STAG1: variants seen among roughly 807,000 people sequenced by gnomAD.
STAG1 encodes cohesin subunit SA-1.
Under a neutral mutation model 170.9 loss-of-function variants are expected in STAG1, and 26 were observed. The ratio of observed to expected loss-of-function variants is 0.15; its 90% confidence interval spans 0.11 to 0.21. STAG1 has a LOEUF of 0.21. STAG1 is among the 10% of genes least tolerant of loss of function. The pLI, the probability that STAG1 is intolerant of heterozygous loss-of-function variation, is 1.00. For synonymous variants in STAG1, 514 were observed against 497.7 expected, an observed-to-expected ratio of 1.03 and a Z score of -0.44; for missense variants, 964 against 1,509.5, an observed-to-expected ratio of 0.64 and a Z score of 5.99.
chr3:136,350,475 G>A (rs894467091), intron 28 of STAG1, among the ~76,000 whole-genome samples: 13 of 152,236 alleles, frequency 8.5e-5, no homozygotes, highest in African/African-American at 2.9e-4. Flanking sequence ...ACTACCCTGG[G>A]CACAGCAGGC....
Position 136,439,389 on chromosome 3 carries a change from G to GACACACACACACACACACAC in STAG1, c.1546+3878_1546+3897dup, listed in dbSNP as rs753912835. Among the ~76,000 whole-genome samples the GACACACACACACACACACAC allele has an allele frequency of 2.0e-4, 19 of 95,834 alleles. 1 individual carries two copies. The highest frequency in any genetic ancestry group is 4.3e-4 in the Admixed American group (4 of 9,314). 62.9% of individuals were successfully genotyped at this position (95,834 alleles called of 152,430 possible). A position where few individuals can be genotyped will look rare whatever the true frequency, so the allele number is the denominator to read the frequency against. ...TTGATTTTGCTGTAAAACACCCCCC[G>GACACACACACACACACACAC]ACACACACACACACACACACACACA... On this transcript the variant is annotated intron_variant, in intron 15 of 33. Transcript: ENST00000383202.
chr3:136,364,590 A>AC (rs1012524084), intron 25 of STAG1, among the ~76,000 whole-genome samples: 5 of 151,966 alleles, frequency 3.3e-5, no homozygotes, highest in Non-Finnish European at 7.4e-5. Context: ...CATCCCTGTA[A>AC]CCCCCCCATC....
intron 9 of STAG1, chr3:136,499,636 T>C (rs1933358902): frequency 6.6e-6 from 1 of 152,478 alleles, no homozygotes; most frequent in African/African-American, 2.4e-5. Flanking sequence ...GTAGTTAGTG[T>C]TTTTAAGGTT....
intron 1 of STAG1, among the ~76,000 whole-genome samples, chr3:136,734,253 T>C (rs1025053497): frequency 6.6e-6 from 1 of 152,100 alleles, no homozygotes; most frequent in African/African-American, 2.4e-5. Flanking sequence ...TAACCTGATA[T>C]AATCATGGTC....
intron 30 of STAG1, among the ~76,000 whole-genome samples, chr3:136,341,805 G>T (rs1171841651): frequency 6.6e-6 from 1 of 152,226 alleles, no homozygotes; most frequent in African/African-American, 2.4e-5. Context: ...AGGGTTCTCA[G>T]ACCTCTGTTT....
chr3:136,606,050 C>CA (rs561732159), intron 3 of STAG1, among the ~76,000 whole-genome samples: 23 of 145,166 alleles, frequency 1.6e-4, no homozygotes, highest in African/African-American at 2.3e-4. Flanking sequence ...TTCAGATTTA[C>CA]AAAAAAAAAA....
chr3:136,377,248 G>A (rs1260615671), intron 23 of STAG1, among the ~76,000 whole-genome samples: 3 of 148,122 alleles, frequency 2.0e-5, no homozygotes, highest in South Asian at 2.1e-4. Flanking sequence ...TTAGCTGGGC[G>A]CAGTGGCGGG....
chr3:136,393,756 T>C (rs1490893907), intron 22 of STAG1, among the ~76,000 whole-genome samples: 1 of 151,716 alleles, frequency 6.6e-6, no homozygotes, highest in Non-Finnish European at 1.5e-5. Flanking sequence ...TCACTACACT[T>C]GGCTAATTTT....
At chr3:136,388,464 G>A (rs767949593) in intron 22 of STAG1, among the ~76,000 whole-genome samples, 13 of 152,150 alleles carry the variant, frequency 8.5e-5, no homozygotes, top group Non-Finnish European at 1.5e-4. Flanking sequence ...CGCCTCCTGG[G>A]TTCAAGCGAT....
At chr3:136,467,181 G>A (rs201315827) in intron 12 of STAG1, among the ~76,000 whole-genome samples, 29 of 152,204 alleles carry the variant, frequency 1.9e-4, no homozygotes, top group South Asian at 1.5e-3. Flanking sequence ...ATGTAAATGG[G>A]CTAAATGCTC....
chr3:136,527,938 C>T (rs916202249), intron 6 of STAG1, among the ~76,000 whole-genome samples: 1 of 152,168 alleles, frequency 6.6e-6, no homozygotes, highest in African/African-American at 2.4e-5. Context: ...CTGATTGTTC[C>T]TCGGGAAGCT....
At chr3:136,464,777 T>G (rs980717212) in intron 13 of STAG1, 104 bp downstream of exon 13, 1 of 901,790 alleles carries the variant, frequency 1.1e-6, no homozygotes, top group South Asian at 1.8e-5. Context: ...AGATGGACAT[T>G]TTCAGCACTG....
intron 22 of STAG1, among the ~76,000 whole-genome samples, chr3:136,393,990 C>T (rs1576422404): frequency 6.6e-6 from 1 of 152,166 alleles, no homozygotes; most frequent in African/African-American, 2.4e-5. Context: ...CAACCTCCGC[C>T]TCCTGGGTTC....
intron 28 of STAG1, among the ~76,000 whole-genome samples, chr3:136,352,390 G>A (rs938818476): frequency 6.6e-6 from 1 of 152,074 alleles, no homozygotes; most frequent in African/African-American, 2.4e-5. Flanking sequence ...GAACTCGTGA[G>A]CTCAAGTGAT....
chr3:136,716,263 CCTGA>C (rs1342051157), intron 1 of STAG1, among the ~76,000 whole-genome samples: 6 of 151,976 alleles, frequency 3.9e-5, no homozygotes, highest in Admixed American at 1.3e-4. Flanking sequence ...TCAAAACCAG[CCTGA>C]CTAACATATA....
In STAG1 at chr3:136,481,000, A is replaced by C. The variant is rs2107828923; in HGVS notation, c.903-3588T>G. Among the ~76,000 whole-genome samples the C allele has an allele frequency of 1.5e-5, 2 of 133,742 alleles. 1 individual carries two copies. The highest frequency in any genetic ancestry group is 5.5e-4 in the South Asian group (2 of 3,622). The allele number at this position is 133,742 out of a possible 152,430, so 87.7% of individuals were successfully genotyped here. A position where few individuals can be genotyped will look rare whatever the true frequency, so the allele number is the denominator to read the frequency against. Reference sequence around the variant, plus strand: ...TTGGGCTGAGACGATGGGGTTTTCTAGATATACAATCATGTCGTCTGCAAA... The same window carrying C: ...TTGGGCTGAGACGATGGGGTTTTCTCGATATACAATCATGTCGTCTGCAAA... On this transcript the variant is annotated intron_variant, in intron 9 of 33. Coordinates refer to ENST00000383202, the MANE Select transcript of STAG1 (RefSeq NM_005862.3).
chr3:136,650,724 G>C (rs1157734827), intron 1 of STAG1, among the ~76,000 whole-genome samples: 1 of 152,050 alleles, frequency 6.6e-6, no homozygotes, highest in Non-Finnish European at 1.5e-5. Flanking sequence ...AGGCAAACAA[G>C]TATAAAGCTC....
Position 136,354,754 on chromosome 3 carries a change from C to CAAAAAAAA in STAG1, c.3065+2958_3065+2965dup. Among the ~76,000 whole-genome samples the CAAAAAAAA allele has an allele frequency of 6.1e-4, 4 of 6,506 alleles. 1 individual carries two copies. Among genetic ancestry groups the CAAAAAAAA allele is most frequent in the Admixed American group, 2.8e-3 (1 of 362 alleles). The allele number at this position is 6,506 out of a possible 152,430, so 4.3% of individuals were successfully genotyped here. On this transcript the variant is annotated intron_variant, in intron 28 of 33. Coordinates refer to ENST00000383202, the MANE Select transcript of STAG1 (RefSeq NM_005862.3). The stretch of plus-strand genomic sequence containing the variant: ...AAGAAGGCAGTAAAGGAGAAAGAAC[C>CAAAAAAAA]AAAAAAAAAAAAAACCAAAAAACAA...
intron 16 of STAG1, among the ~76,000 whole-genome samples, chr3:136,431,213 T>C (rs559534677): frequency 6.6e-6 from 1 of 151,862 alleles, no homozygotes. Context: ...CCATTCCTTC[T>C]TTTTTCATTC....
Sources: allele counts gnomAD v4.1 joint callset (sites outside exome capture counted in the v4.1 genomes callset), GRCh38; gene constraint gnomAD v4.1.1; transcripts MANE v1.5; gene names NCBI Gene and HGNC (gene_info 2026-07-23, HGNC 2026-07-21).